Variants in PHEX observed in about 807,000 individuals in gnomAD.
The protein encoded by PHEX is phosphate-regulating neutral endopeptidase PHEX.
Under a neutral mutation model 68.0 loss-of-function variants are expected in PHEX, and 16 were observed. The observed-to-expected ratio is 0.24, with a 90% confidence interval of 0.16 to 0.36. The LOEUF (loss-of-function observed/expected upper bound fraction) is 0.36. Ranked by LOEUF, PHEX falls within the 10% of genes least tolerant of loss-of-function variation. PHEX has a pLI of 1.00. For missense variants in PHEX, 480 were observed against 575.5 expected, an observed-to-expected ratio of 0.83 and a Z score of 1.70; for synonymous variants, 208 against 205.1, an observed-to-expected ratio of 1.01 and a Z score of -0.12.
chrX:22,081,880 A>G (rs1929409193), intron 5 of PHEX, among the ~76,000 whole-genome samples: 1 of 111,977 alleles, frequency 8.9e-6, no homozygotes, highest in South Asian at 3.7e-4. Context: ...AGGGACAATA[A>G]AAGACGTGAG....
intron 20 of PHEX, among the ~76,000 whole-genome samples, chrX:22,234,311 C>T (rs1245636992): frequency 2.7e-5 from 3 of 112,662 alleles, no homozygotes; most frequent in South Asian, 3.7e-4. Context: ...TAGCAGAGCT[C>T]GACCACTGCG....
intron 9 of PHEX, among the ~76,000 whole-genome samples, chrX:22,104,061 G>A (rs900596449): frequency 1.1e-4 from 12 of 111,971 alleles, no homozygotes; most frequent in Non-Finnish European, 2.3e-4. Context: ...GTGATGTTGA[G>A]CATTTTTCAT....
chrX:22,050,242 G>C (rs1927759577), intron 3 of PHEX, among the ~76,000 whole-genome samples: 1 of 111,986 alleles, frequency 8.9e-6, no homozygotes, highest in Non-Finnish European at 1.9e-5. Flanking sequence ...ATAGCTCCTT[G>C]GTAGCTTCTT....
At chrX:22,060,418 T>C (rs1228156010) in intron 3 of PHEX, among the ~76,000 whole-genome samples, 2 of 110,725 alleles carry the variant, frequency 1.8e-5, no homozygotes, top group Non-Finnish European at 3.8e-5. Context: ...CCAATATATA[T>C]AGCTTGGCTT....
chrX:22,131,241 A>G (rs1931986044), intron 11 of PHEX, among the ~76,000 whole-genome samples: 1 of 110,316 alleles, frequency 9.1e-6, no homozygotes, highest in Non-Finnish European at 1.9e-5. Flanking sequence ...GGGTTTCACC[A>G]TGTTGGCCAG....
At chrX:22,061,261 G>C in intron 3 of PHEX, among the ~76,000 whole-genome samples, 1 of 111,915 alleles carries the variant, frequency 8.9e-6, no homozygotes, top group South Asian at 3.7e-4. Flanking sequence ...AAATTGAAAA[G>C]TTGGTTGCAT....
At chrX:22,149,732 C>T (rs1230360325) in intron 12 of PHEX, among the ~76,000 whole-genome samples, 4 of 112,548 alleles carry the variant, frequency 3.6e-5, no homozygotes, top group Non-Finnish European at 5.6e-5. Context: ...CCAGCCTGGG[C>T]GACAAGAGCG....
chrX:22,064,660 G>A (rs1387585532), intron 3 of PHEX, among the ~76,000 whole-genome samples: 1 of 111,941 alleles, frequency 8.9e-6, no homozygotes. Flanking sequence ...CCTCTCCAGG[G>A]TACATGGATG....
chrX:22,036,420 C>T (rs1165216330), intron 1 of PHEX, among the ~76,000 whole-genome samples: 1 of 111,165 alleles, frequency 9.0e-6, no homozygotes, highest in Non-Finnish European at 1.9e-5. Context: ...CCTGATTTTA[C>T]TTCTTCCTTT....
intron 2 of PHEX, among the ~76,000 whole-genome samples, chrX:22,045,879 T>C (rs1214436839): frequency 8.9e-6 from 1 of 112,454 alleles, no homozygotes; most frequent in Non-Finnish European, 1.9e-5. Flanking sequence ...ACACTGAATA[T>C]CAAGGAGCTC....
intron 12 of PHEX, among the ~76,000 whole-genome samples, chrX:22,149,090 C>T (rs146226508): frequency 0.011 from 1,256 of 111,531 alleles, 16 homozygotes; most frequent in African/African-American, 0.039. Flanking sequence ...TTATAGACAC[C>T]CCCTCCACTG....
intron 5 of PHEX, among the ~76,000 whole-genome samples, chrX:22,086,477 A>G (rs1226649113): frequency 8.9e-6 from 1 of 112,101 alleles, no homozygotes; most frequent in Non-Finnish European, 1.9e-5. Context: ...ACTATGAGTC[A>G]GGGAAAATTT....
intron 13 of PHEX, chrX:22,171,366 C>T (rs1380850135): frequency 9.0e-6 from 1 of 111,011 alleles, no homozygotes; most frequent in African/African-American, 3.3e-5. Flanking sequence ...TCACCTCCCT[C>T]CCTTGACATA....
At chrX:22,188,455 C>T (rs1424390755) in intron 14 of PHEX, among the ~76,000 whole-genome samples, 2 of 112,428 alleles carry the variant, frequency 1.8e-5, no homozygotes, top group African/African-American at 6.4e-5. Flanking sequence ...CCATCTAAGT[C>T]AGGGTTTGGC....
intron 8 of PHEX, 108 bp downstream of exon 8, chrX:22,097,146 G>T (rs1930178442): frequency 1.7e-6 from 1 of 585,073 alleles, no homozygotes; most frequent in South Asian, 2.4e-5. Flanking sequence ...CTCAGTCTTG[G>T]TTATCATCAT....
Position 22,094,047 on chromosome X carries a change from G to C in PHEX, c.797G>C (p.Arg266Thr). Residue 266 changes from arginine (R) to threonine (T), a missense_variant, in exon 7 of 22, where the codon AGA becomes ACA. By Grantham distance (71) the Arg-to-Thr change is moderately conservative. Transcript: ENST00000379374. ...GTGCTTTTAGGAGCTAACAGTTCCA[G>C]AGCAGAGCATGACATGAAGTCAGTG... Reference protein sequence around the residue: ...TAVLLGANSSRAEHDMKSVLR... With the variant: ...TAVLLGANSSTAEHDMKSVLR... 1.7e-6 allele frequency: 2 copies of C among 1,203,836 alleles called. No individual in the cohort carries two copies. The highest frequency in any genetic ancestry group is 3.5e-5 in the African/African-American group (2 of 57,676).
intron 15 of PHEX, among the ~76,000 whole-genome samples, chrX:22,192,473 C>G (rs1934229594): frequency 9.0e-6 from 1 of 111,666 alleles, no homozygotes; most frequent in Non-Finnish European, 1.9e-5. Flanking sequence ...CCATCTCACT[C>G]AGAGAAAGAG....
intron 10 of PHEX, among the ~76,000 whole-genome samples, chrX:22,112,569 A>G (rs1309400193): frequency 9.0e-6 from 1 of 111,471 alleles, no homozygotes; most frequent in Non-Finnish European, 1.9e-5. Context: ...GAGTAGTGCA[A>G]TTATTTTGGA....
intron 3 of PHEX, among the ~76,000 whole-genome samples, chrX:22,067,492 TC>T (rs974773704): frequency 2.7e-5 from 3 of 111,398 alleles, no homozygotes; most frequent in African/African-American, 9.8e-5. Context: ...TTTAGTGTCC[TC>T]CTTGAAGAAT....
Sources: gnomAD v4.1 joint callset for allele counts (sites outside exome capture counted in the v4.1 genomes callset) on GRCh38, gnomAD v4.1.1 for gene constraint, MANE v1.5 for transcripts, NCBI Gene and HGNC (gene_info 2026-07-23, HGNC 2026-07-21) for gene names.